The following CFAP52 variants were observed in gnomAD, a reference collection of about 807,000 sequenced individuals.
CFAP52 encodes cilia- and flagella-associated protein 52.
CFAP52 carries 57 observed loss-of-function variants against 70.5 expected under a neutral mutation model. The observed-to-expected ratio is 0.81, with a 90% CI of 0.65 to 1.01. CFAP52 has a LOEUF of 1.01. Ranked by LOEUF, CFAP52 falls within the 50% of genes least tolerant of loss-of-function variation. CFAP52 has a pLI of 0.00. For synonymous variants in CFAP52, 267 were observed against 292.5 expected, an observed-to-expected ratio of 0.91 and a Z score of 0.89; for missense variants, 785 against 788.5, an observed-to-expected ratio of 1.00 and a Z score of 0.05.
At chr17:9,582,793 C>T (rs560647613) in intron 1 of CFAP52, among the ~76,000 whole-genome samples, 3 of 152,266 alleles carry the variant, frequency 2.0e-5, no homozygotes, top group East Asian at 3.9e-4. Context: ...TCCACCACTA[C>T]GCCCAGCTAA....
chr17:9,643,327 T>G lies in CFAP52; in HGVS notation c.*129T>G. ...GTTCTTGAGTCAATTTTTCTCTTTT[T>G]CTTTATAGAATGCATTTTATATTCT... is the stretch of plus-strand genomic sequence containing the variant. On this transcript the variant is annotated 3_prime_UTR_variant, in exon 14 of 14. Transcript: ENST00000352665. 1.2e-6 allele frequency: 1 copy of G among 801,058 alleles called. No homozygotes were observed. Among genetic ancestry groups the G allele is most frequent in the East Asian group, 3.1e-5 (1 of 32,772 alleles). 49.6% of individuals were successfully genotyped at this position (801,058 alleles called of 1,614,324 possible). A position where few individuals can be genotyped will look rare whatever the true frequency, so the allele number is the denominator to read the frequency against.
chr17:9,622,572 A>T (rs557112374), intron 8 of CFAP52, among the ~76,000 whole-genome samples: 37 of 151,852 alleles, frequency 2.4e-4, no homozygotes, highest in South Asian at 1.0e-3. Flanking sequence ...AAGAAGAAGA[A>T]GATGATGATG....
intron 9 of CFAP52, 70 bp downstream of exon 9, chr17:9,628,890 A>G: frequency 6.3e-7 from 1 of 1,599,954 alleles, no homozygotes; most frequent in South Asian, 1.1e-5. Flanking sequence ...CTCTCCTCCC[A>G]TACTAGTCTC....
chr17:9,633,675 C>CTTTTTTTTT (rs555923244), intron 10 of CFAP52, among the ~76,000 whole-genome samples: 3 of 138,544 alleles, frequency 2.2e-5, no homozygotes, highest in Admixed American at 7.3e-5. Flanking sequence ...GTCATCTTAT[C>CTTTTTTTTT]TTTTTTTTTT....
At chr17:9,607,817 G>T (rs1054157099) in intron 6 of CFAP52, among the ~76,000 whole-genome samples, 1 of 152,152 alleles carries the variant, frequency 6.6e-6, no homozygotes, top group African/African-American at 2.4e-5. Flanking sequence ...GTAGGCCCAG[G>T]AGGGTTACTT....
At chr17:9,615,122 A>G (rs923082238) in intron 8 of CFAP52, among the ~76,000 whole-genome samples, 1 of 152,248 alleles carries the variant, frequency 6.6e-6, no homozygotes, top group Non-Finnish European at 1.5e-5. Context: ...GAGGAAGAAC[A>G]TAGAATAAAT....
downstream of CFAP52, chr17:9,645,553 A>C: frequency 1.7e-5 from 19 of 1,135,938 alleles, no homozygotes; most frequent in Non-Finnish European, 1.8e-5. This position sits in a 1 kb window ranked among gnomAD's most constrained non-coding sequence, Gnocchi z 6.8. Flanking sequence ...CAGGAGCCTT[A>C]GAGAAGCTGT....
At chr17:9,607,593 T>A (rs1198651483) in intron 6 of CFAP52, among the ~76,000 whole-genome samples, 1 of 152,256 alleles carries the variant, frequency 6.6e-6, no homozygotes, top group African/African-American at 2.4e-5. Context: ...AGAAGTCTAT[T>A]GTGCTTTCTT....
intron 3 of CFAP52, among the ~76,000 whole-genome samples, chr17:9,593,412 G>A (rs543410473): frequency 3.9e-5 from 6 of 152,176 alleles, no homozygotes; most frequent in Non-Finnish European, 8.8e-5. Flanking sequence ...CGGTGCTGTG[G>A]CCTAGCAGTC....
chr17:9,629,461 TTTTC>T (rs1028334083), intron 9 of CFAP52, among the ~76,000 whole-genome samples: 2 of 150,824 alleles, frequency 1.3e-5, no homozygotes, highest in Non-Finnish European at 2.9e-5. Context: ...CTCGCCCCTC[TTTTC>T]TTTCTTTCCC....
At chr17:9,598,965 C>T (rs1310177025) in intron 5 of CFAP52, among the ~76,000 whole-genome samples, 2 of 152,078 alleles carry the variant, frequency 1.3e-5, no homozygotes, top group African/African-American at 4.8e-5. Flanking sequence ...GCCACTGATG[C>T]TATTTCTGCC....
rs568395265 is a variant in CFAP52 at position 9,585,875 on chromosome 17, A to G, written c.173A>G (p.Asn58Ser). Residue 58 changes from asparagine to serine, a missense_variant, in exon 2 of 14, where the codon AAC becomes AGC. Transcript: ENST00000352665. ...LIQAINTKEQ[N>S]FLQGHGNNVS... Reference sequence around the variant, plus strand: ...CAGGCAATAAATACTAAAGAGCAGAACTTCCTACAGGGTCATGGCAACAAC... The same window carrying G: ...CAGGCAATAAATACTAAAGAGCAGAGCTTCCTACAGGGTCATGGCAACAAC... The G allele has an allele frequency of 6.2e-7, 1 of 1,613,930 alleles. No homozygotes were observed. The highest frequency in any genetic ancestry group is 1.3e-5 in the African/African-American group (1 of 74,956).
At chr17:9,634,465 C>T (rs1482586141) in intron 10 of CFAP52, among the ~76,000 whole-genome samples, 5 of 152,078 alleles carry the variant, frequency 3.3e-5, no homozygotes, top group African/African-American at 1.2e-4. Context: ...GCCAACATGG[C>T]CAAACCCTGT....
Position 9,628,763 on chromosome 17 carries a change from C to T in CFAP52, c.1117C>T (p.Pro373Ser). The T allele has an allele frequency of 6.2e-7, 1 of 1,614,118 alleles. No individual in the cohort carries two copies. Among genetic ancestry groups the T allele is most frequent in the Non-Finnish European group, 8.5e-7 (1 of 1,180,016 alleles). ...SNRELLRITVPNMTCHGIDFM... is the reference protein window; with the variant it reads ...SNRELLRITVSNMTCHGIDFM... The stretch of plus-strand genomic sequence containing the variant: ...CAGGGAGCTGCTGCGGATCACCGTG[C>T]CCAACATGACCTGCCACGGCATCGA... The change falls in exon 9 of 14, where the codon CCC becomes TCC. Residue 373 changes from proline (P) to serine (S), a missense_variant. Coordinates refer to ENST00000352665, the MANE Select transcript of CFAP52 (RefSeq NM_145054.5).
intron 1 of CFAP52, among the ~76,000 whole-genome samples, chr17:9,584,717 G>T (rs191100817): frequency 1.3e-5 from 2 of 152,112 alleles, no homozygotes; most frequent in East Asian, 3.9e-4. Flanking sequence ...CGCCTCGTGG[G>T]TTCCAGTGAT....
chr17:9,581,977 C>G (rs1477429623), intron 1 of CFAP52, among the ~76,000 whole-genome samples: 1 of 152,160 alleles, frequency 6.6e-6, no homozygotes, highest in African/African-American at 2.4e-5. Context: ...TCAAGTGTGA[C>G]CCAAACTTCC....
intron 7 of CFAP52, among the ~76,000 whole-genome samples, chr17:9,609,340 G>A (rs963086152): frequency 2.6e-5 from 4 of 152,150 alleles, no homozygotes; most frequent in African/African-American, 9.7e-5. Context: ...AGTATTAGAG[G>A]GTGATAAGTA....
intron 5 of CFAP52, 34 bp from the exon 6 acceptor site, chr17:9,600,033 G>T (rs1909194694): frequency 6.9e-6 from 11 of 1,597,348 alleles, no homozygotes; most frequent in Non-Finnish European, 9.4e-6. Flanking sequence ...GAGCCACCGA[G>T]GCTGGCCAAG....
At chr17:9,623,255 C>T (rs1363770858) in intron 8 of CFAP52, among the ~76,000 whole-genome samples, 1 of 152,114 alleles carries the variant, frequency 6.6e-6, no homozygotes, top group Non-Finnish European at 1.5e-5. Context: ...CTCATTACAG[C>T]TTTCTTATGC....
Sources: allele counts gnomAD v4.1 joint callset (sites outside exome capture counted in the v4.1 genomes callset), GRCh38; gene constraint gnomAD v4.1.1; non-coding constraint Gnocchi (gnomAD v3.1); transcripts MANE v1.5; gene names NCBI Gene and HGNC (gene_info 2026-07-23, HGNC 2026-07-21).